STX3: variants seen among roughly 807,000 people sequenced by gnomAD.
The protein encoded by STX3 is syntaxin-3.
Under a neutral mutation model 40.2 loss-of-function variants are expected in STX3, and 19 were observed. That is an observed-to-expected ratio of 0.47 (90% confidence interval 0.33 to 0.69). STX3 has a LOEUF of 0.69. Among genes scored for constraint, STX3 ranks in the 30% least tolerant of loss-of-function variants. The pLI, the probability that STX3 is intolerant of heterozygous loss-of-function variation, is 0.02. For missense variants in STX3, 364 were observed against 366.7 expected, an observed-to-expected ratio of 0.99 and a Z score of 0.06; for synonymous variants, 122 against 132.2, an observed-to-expected ratio of 0.92 and a Z score of 0.53.
chr11:59,770,040 G>C, intron 1 of STX3, among the ~76,000 whole-genome samples: 1 of 150,768 alleles, frequency 6.6e-6, no homozygotes, highest in Non-Finnish European at 1.5e-5. Context: ...TGGGATGTGT[G>C]TGTATGTGGA....
intron 1 of STX3, among the ~76,000 whole-genome samples, chr11:59,757,279 A>T (rs1017631460): frequency 2.6e-5 from 4 of 152,144 alleles, no homozygotes; most frequent in African/African-American, 9.7e-5. Context: ...AGGCAGAAGG[A>T]AAAGAAGAGC....
At chr11:59,766,635 A>C (rs1863298137) in intron 1 of STX3, among the ~76,000 whole-genome samples, 1 of 152,202 alleles carries the variant, frequency 6.6e-6, no homozygotes, top group African/African-American at 2.4e-5. Flanking sequence ...AATGGAAACA[A>C]ATGTTGTCCC....
intron 10 of STX3, chr11:59,799,960 C>G (rs768220611): frequency 3.5e-5 from 34 of 985,090 alleles, no homozygotes; most frequent in Admixed American, 6.2e-5. Flanking sequence ...TGTTATTTTT[C>G]CATATCCTTG....
chr11:59,788,572 CAG>C (rs781564821), intron 3 of STX3, among the ~76,000 whole-genome samples: 1 of 152,180 alleles, frequency 6.6e-6, no homozygotes, highest in Non-Finnish European at 1.5e-5. Context: ...CCTCTAAAAG[CAG>C]AGTTTCCACA....
At chr11:59,795,771 C>T (rs996657765) in intron 9 of STX3, 3 of 1,406,058 alleles carry the variant, frequency 2.1e-6, no homozygotes, top group African/African-American at 1.4e-5. Context: ...ATCTCTTCTC[C>T]CTGGCCACCC....
intron 1 of STX3, among the ~76,000 whole-genome samples, chr11:59,770,369 G>A (rs1863539540): frequency 1.3e-5 from 2 of 151,312 alleles, no homozygotes; most frequent in Non-Finnish European, 3.0e-5. Flanking sequence ...TGGAGTGTGT[G>A]TATGTATAGG....
chr11:59,755,568 G>A lies in STX3; in HGVS notation c.-38G>A. On this transcript the variant is annotated 5_prime_UTR_variant, in exon 1 of 11. Transcript: ENST00000337979. ...GCGCTCACCTGGGACGCGCTCACCTGGGACGCGCTACCTGCCTCCGGGCGC... is the reference window on the plus strand; with the variant it reads ...GCGCTCACCTGGGACGCGCTCACCTAGGACGCGCTACCTGCCTCCGGGCGC... 6.3e-7 allele frequency: 1 copy of A among 1,591,430 alleles called. No homozygotes were observed. Among genetic ancestry groups the A allele is most frequent in the Non-Finnish European group, 8.5e-7 (1 of 1,175,920 alleles).
chr11:59,785,694 A>C (rs1163765185), intron 2 of STX3, among the ~76,000 whole-genome samples: 1 of 152,226 alleles, frequency 6.6e-6, no homozygotes, highest in African/African-American at 2.4e-5. Flanking sequence ...AAGTGTCCAC[A>C]GGAAAAGAGG....
chr11:59,784,814 G>A (rs1487838021), intron 2 of STX3, among the ~76,000 whole-genome samples: 1 of 152,176 alleles, frequency 6.6e-6, no homozygotes, highest in Non-Finnish European at 1.5e-5. Context: ...TACAAGATGA[G>A]ATTTGGGTCG....
At chr11:59,762,211 G>C (rs926338482) in intron 1 of STX3, among the ~76,000 whole-genome samples, 1 of 152,196 alleles carries the variant, frequency 6.6e-6, no homozygotes, top group Non-Finnish European at 1.5e-5. Flanking sequence ...CACATTTCCT[G>C]TGGCCAGTGC....
chr11:59,773,445 C>T, intron 2 of STX3, 151 bp downstream of exon 2: 1 of 663,832 alleles, frequency 1.5e-6, no homozygotes, highest in South Asian at 2.1e-5. Context: ...ATTAAAATAA[C>T]ATTATTTTCA....
Position 59,775,610 on chromosome 11 carries a change from G to A in STX3, c.114+2316G>A, listed in dbSNP as rs568095883. Among the ~76,000 whole-genome samples the A allele has an allele frequency of 4.1e-4, 63 of 152,256 alleles. 1 individual carries two copies. The highest frequency in any genetic ancestry group is 1.5e-3 in the African/African-American group (62 of 41,520). ...TTCGTAGCAGTGTAACCTTGGTCAG[G>A]TTGCTTAACATCTCTTAGTTTTAAT... On this transcript the variant is annotated intron_variant, in intron 2 of 10. Coordinates refer to ENST00000337979, the MANE Select transcript of STX3 (RefSeq NM_004177.5).
intron 4 of STX3, among the ~76,000 whole-genome samples, chr11:59,789,900 T>G (rs914857125): frequency 4.6e-5 from 7 of 152,230 alleles, no homozygotes; most frequent in Non-Finnish European, 8.8e-5. Flanking sequence ...TGTCATAGAT[T>G]CAGTTCTTCC....
chr11:59,781,529 C>G, intron 2 of STX3: 1 of 1,613,900 alleles, frequency 6.2e-7, no homozygotes, highest in Non-Finnish European at 8.5e-7. Flanking sequence ...TACAAGAAAA[C>G]TGTGTTGTTT....
intron 2 of STX3, among the ~76,000 whole-genome samples, chr11:59,784,005 G>A (rs1377937884): frequency 6.6e-6 from 1 of 152,236 alleles, no homozygotes. Context: ...AAGTCCCGTA[G>A]GCAGGTTGCG....
At chr11:59,763,619 A>C (rs974129980) in intron 1 of STX3, among the ~76,000 whole-genome samples, 1 of 152,242 alleles carries the variant, frequency 6.6e-6, no homozygotes, top group Non-Finnish European at 1.5e-5. Flanking sequence ...AAATTAATAC[A>C]ATAATTGTCC....
intron 1 of STX3, among the ~76,000 whole-genome samples, chr11:59,757,055 C>T (rs1436758770): frequency 6.6e-6 from 1 of 152,200 alleles, no homozygotes; most frequent in Non-Finnish European, 1.5e-5. Flanking sequence ...GCCTCTCTGC[C>T]TCAGGCTTGT....
intron 2 of STX3, among the ~76,000 whole-genome samples, chr11:59,773,707 T>C (rs1863786654): frequency 6.6e-6 from 1 of 152,112 alleles, no homozygotes; most frequent in Non-Finnish European, 1.5e-5. Context: ...GGGCCAGACA[T>C]GGTGGCTCAC....
chr11:59,767,418 C>G (rs1863335428), intron 1 of STX3, among the ~76,000 whole-genome samples: 1 of 152,182 alleles, frequency 6.6e-6, no homozygotes. Flanking sequence ...CTGAAGTTCT[C>G]TTCTTGGCTA....
Sources: allele counts gnomAD v4.1 joint callset (sites outside exome capture counted in the v4.1 genomes callset), GRCh38; gene constraint gnomAD v4.1.1; transcripts MANE v1.5; gene names NCBI Gene and HGNC (gene_info 2026-07-23, HGNC 2026-07-21).